The following CPNE1 variants were observed in gnomAD, a reference collection of about 807,000 sequenced individuals.
The protein encoded by CPNE1 is copine 1, also known as copine-1.
CPNE1 carries 58 observed loss-of-function variants against 63.2 expected under a neutral mutation model. The observed-to-expected ratio is 0.92, with a 90% CI of 0.74 to 1.14. The LOEUF (loss-of-function observed/expected upper bound fraction) is 1.14. CPNE1 is among the 50% of genes most tolerant of loss of function. The pLI is 0.00. For synonymous variants in CPNE1, 237 were observed against 249.0 expected (o/e 0.95, Z 0.45); for missense variants, 672 against 661.7 (o/e 1.02, Z -0.17).
At chr20:35,628,722 G>A (rs923001340) in intron 13 of CPNE1, among the ~76,000 whole-genome samples, 1 of 152,258 alleles carries the variant, frequency 6.6e-6, no homozygotes, top group Non-Finnish European at 1.5e-5. Flanking sequence ...AACGCAATGT[G>A]TGATCTGAGA....
rs758290743 is a variant in CPNE1, at chr20:35,631,146, A to C, written c.829T>G (p.Tyr277Asp). Residue 277 changes from tyrosine to aspartate, a missense_variant, in exon 10 of 16, where the codon TAT (tyrosine) becomes GAT (aspartate). Physicochemically the swap from Tyr to Asp is radical, Grantham distance 160 (BLOSUM62 -3). Transcript: ENST00000397443. ...RVETEYSFLD[Y>D]VMGGCQINFT... is the part of the protein sequence containing the mutation. ...TTGATCTGACAGCCTCCCATCACAT[A>C]GTCCAGAAAGGAGTACTCTGTTTCT... 1 of 1,614,188 alleles carries C rather than the reference A, an allele frequency of 6.2e-7. No homozygotes were observed. The highest frequency in any genetic ancestry group is 1.1e-5 in the South Asian group (1 of 91,082).
intron 1 of CPNE1, chr20:35,647,569 TTA>T (rs1255509242): frequency 6.6e-6 from 1 of 152,082 alleles, no homozygotes; most frequent in Non-Finnish European, 1.5e-5. Context: ...TCTGAAATGT[TTA>T]TGTCAGGTGG....
At chr20:35,643,891 C>G (rs2032963698) in intron 1 of CPNE1, among the ~76,000 whole-genome samples, 1 of 152,160 alleles carries the variant, frequency 6.6e-6, no homozygotes, top group African/African-American at 2.4e-5. Flanking sequence ...GAATCCATGA[C>G]AGAAGACTGC....
At chr20:35,640,451 T>TA (rs938851243) in intron 1 of CPNE1, among the ~76,000 whole-genome samples, 11 of 152,118 alleles carry the variant, frequency 7.2e-5, no homozygotes, top group African/African-American at 1.2e-4. Flanking sequence ...TTTGAGTCAA[T>TA]AAAAAAAATT....
chr20:35,654,879 C>T, intron 1 of CPNE1: 1 of 1,614,090 alleles, frequency 6.2e-7, no homozygotes, highest in Non-Finnish European at 8.5e-7. Flanking sequence ...TGGAAAATGT[C>T]TGTATGTTTT....
chr20:35,631,364 A>G lies in CPNE1; in HGVS notation c.715-10T>C. 2 of 1,613,898 alleles carry G rather than the reference A, an allele frequency of 1.2e-6. No homozygotes were observed. The highest frequency in any genetic ancestry group is 2.2e-5 in the East Asian group (1 of 44,878). The stretch of plus-strand genomic sequence containing the variant: ...TGCATTCAAACTCAGCCTGGTGAGG[A>G]CAGAAAAATTAGGGTAGGAAATTCT... On this transcript the variant is annotated splice_polypyrimidine_tract_variant and intron_variant, in intron 8 of 15. Coordinates refer to ENST00000397443, the MANE Select transcript of CPNE1 (RefSeq NM_152925.3).
chr20:35,656,647 G>A (rs937693925), intron 1 of CPNE1, among the ~76,000 whole-genome samples: 3 of 152,158 alleles, frequency 2.0e-5, no homozygotes, highest in Non-Finnish European at 4.4e-5. Flanking sequence ...TAATTCTCCT[G>A]CCTCAGCCTC....
chr20:35,626,701 T>C lies in CPNE1; in HGVS notation c.1339A>G (p.Ile447Val), dbSNP rs2031768327. The C allele has an allele frequency of 6.2e-7, 1 of 1,613,956 alleles. No individual in the cohort carries two copies. The highest frequency in any genetic ancestry group is 1.1e-5 in the South Asian group (1 of 91,078). ...RASNLPMSVI[I>V]VGVGGADFEA... ...AAGTCAGCACCACCCACACCCACAATGATCACTGACATGGGCAGGTTCGAG... is the reference window on the plus strand; with the variant it reads ...AAGTCAGCACCACCCACACCCACAACGATCACTGACATGGGCAGGTTCGAG... Residue 447 changes from isoleucine to valine, a missense_variant, in exon 15 of 16, where the codon ATT becomes GTT. By Grantham distance (29) the Ile-to-Val change is conservative. Transcript: ENST00000397443.
intron 15 of CPNE1, 32 bp from the exon 16 acceptor site, chr20:35,626,413 C>T (rs1462984222): frequency 6.2e-7 from 1 of 1,611,404 alleles, no homozygotes; most frequent in African/African-American, 1.3e-5. Flanking sequence ...CAGTGGTGGC[C>T]CAGAACAGCT....
At chr20:35,658,483 C>A (rs1190470113) in intron 1 of CPNE1, among the ~76,000 whole-genome samples, 1 of 152,074 alleles carries the variant, frequency 6.6e-6, no homozygotes, top group African/African-American at 2.4e-5. Context: ...CCACACCGGC[C>A]TGGGTGGCGG....
At position 35,630,734 on chromosome 20, in the gene CPNE1, A is replaced by T. The variant is rs755272469; in HGVS notation, c.1050+7T>A. Reference sequence around the variant, plus strand: ...AAACAGGAGTGGCAGAAAGAGAGGGAGCTCACCTGCCAGTCAGGGGGAACC... The same window carrying T: ...AAACAGGAGTGGCAGAAAGAGAGGGTGCTCACCTGCCAGTCAGGGGGAACC... On this transcript the variant is annotated splice_region_variant and intron_variant, in intron 12 of 15. Coordinates refer to ENST00000397443, the MANE Select transcript of CPNE1 (RefSeq NM_152925.3). 6.2e-7 allele frequency: 1 copy of T among 1,613,552 alleles called. No individual in the cohort carries two copies. The highest frequency in any genetic ancestry group is 1.3e-5 in the African/African-American group (1 of 74,892).
chr20:35,632,297 G>A lies in CPNE1; in HGVS notation c.384+14C>T, dbSNP rs778895592. ...GATGTTAAGTCCCTCCTCAACCCTTGCTGGGTTCCTTACCGTGATGGTCCC... is the reference window on the plus strand; with the variant it reads ...GATGTTAAGTCCCTCCTCAACCCTTACTGGGTTCCTTACCGTGATGGTCCC... On this transcript the variant is annotated intron_variant, in intron 4 of 15. Transcript: ENST00000397443. The A allele has an allele frequency of 7.7e-5, 125 of 1,613,476 alleles. No homozygotes were observed. Among genetic ancestry groups the A allele is most frequent in the Non-Finnish European group, 9.7e-5 (115 of 1,179,568 alleles).
At chr20:35,652,957 G>A (rs1016443019) in intron 1 of CPNE1, 1 of 1,613,700 alleles carries the variant, frequency 6.2e-7, no homozygotes, top group African/African-American at 1.3e-5. Context: ...AAAATTCTGA[G>A]GGCCCCCTCC....
intron 10 of CPNE1, 30 bp downstream of exon 10, chr20:35,631,084 T>G: frequency 1.2e-6 from 2 of 1,614,158 alleles, no homozygotes; most frequent in South Asian, 2.2e-5. Flanking sequence ...GCCCCAGACC[T>G]GTTCTCTTGC....
In CPNE1 at chr20:35,630,893, G is replaced by A; in HGVS notation, c.995+8C>T. ...GAGCGGGTATAGCCCAGAGAAGCAG[G>A]TACTCACGAGTCATAGTCCTGAACC... On this transcript the variant is annotated splice_region_variant and intron_variant, in intron 11 of 15. Coordinates refer to ENST00000397443, the MANE Select transcript of CPNE1 (RefSeq NM_152925.3). 1.2e-6 allele frequency: 2 copies of A among 1,603,556 alleles called. No individual in the cohort carries two copies. Among genetic ancestry groups the A allele is most frequent in the African/African-American group, 2.7e-5 (2 of 74,748 alleles).
Position 35,631,919 on chromosome 20 carries a change from C to T in CPNE1, c.537+26G>A, listed in dbSNP as rs753144973. 3.1e-6 allele frequency: 5 copies of T among 1,604,766 alleles called. No homozygotes were observed. The South Asian group carries it at 4.4e-5, about 14-fold the overall frequency. On this transcript the variant is annotated intron_variant, in intron 6 of 15. Coordinates refer to ENST00000397443, the MANE Select transcript of CPNE1 (RefSeq NM_152925.3). The stretch of plus-strand genomic sequence containing the variant: ...CCCAGGAGATTATCTCCTACCCCAG[C>T]CCACCCAATCCCAGGGGTCTCATAC...
At position 35,659,152 on chromosome 20, in the gene CPNE1, A is replaced by G. The variant is rs543370527; in HGVS notation, c.-1+5608T>C. 63 of 463,232 alleles carry G rather than the reference A, an allele frequency of 1.4e-4. 1 individual carries two copies. The highest frequency in any genetic ancestry group is 9.8e-4 in the East Asian group (29 of 29,670). The allele number at this position is 463,232 out of a possible 1,614,324, so 28.7% of individuals were successfully genotyped here. A position where few individuals can be genotyped will look rare whatever the true frequency, so the allele number is the denominator to read the frequency against. On this transcript the variant is annotated intron_variant, in intron 1 of 15. Coordinates refer to ENST00000397443, the MANE Select transcript of CPNE1 (RefSeq NM_152925.3). ...AGAATGCATATCAAAAAAAAAAAAAAAAAGAAAGACACCGTAACAAAATCC... is the reference window on the plus strand; with the variant it reads ...AGAATGCATATCAAAAAAAAAAAAAGAAAGAAAGACACCGTAACAAAATCC...
In CPNE1 at chr20:35,659,963, T is replaced by A. The variant is rs547462714; in HGVS notation, c.-1+4797A>T. On this transcript the variant is annotated intron_variant, in intron 1 of 15. Transcript: ENST00000397443. ...CCAAATGATGCTCATCTTAAATTAG[T>A]ATCTTCCAAGACCAAAATACAACTA... Among the ~76,000 whole-genome samples the A allele has an allele frequency of 4.4e-4, 67 of 152,342 alleles. 1 individual carries two copies. The Middle Eastern group carries it at 0.01, about 23-fold the overall frequency.
Position 35,626,181 on chromosome 20 carries a change from G to A in CPNE1, c.*60C>T. ...TGAGGAGAGTGAGAAGGGTTGGGTT[G>A]TGGCCCAGAGGGACCTCTGGGACAC... On this transcript the variant is annotated 3_prime_UTR_variant, in exon 16 of 16. Coordinates refer to ENST00000397443, the MANE Select transcript of CPNE1 (RefSeq NM_152925.3). 1 of 1,568,594 alleles carries A rather than the reference G, an allele frequency of 6.4e-7. No individual in the cohort carries two copies.
Sources: allele counts gnomAD v4.1 joint callset (sites outside exome capture counted in the v4.1 genomes callset), GRCh38; gene constraint gnomAD v4.1.1; transcripts MANE v1.5; gene names NCBI Gene and HGNC (gene_info 2026-07-23, HGNC 2026-07-21).